Variants in TM4SF20 observed in about 807,000 individuals in gnomAD.
TM4SF20 encodes the protein transmembrane 4 L six family member 20.
In TM4SF20, 13 loss-of-function variants were observed where a neutral mutation model predicts 15.1. The ratio of observed to expected loss-of-function variants is 0.86; its 90% CI spans 0.56 to 1.36. The LOEUF is 1.36. Ranked by LOEUF, TM4SF20 falls within the 40% of genes most tolerant of loss-of-function variation. The probability of loss-of-function intolerance (pLI) is 0.00; values close to 1 mark genes in which losing one functional copy is unlikely to be tolerated. For synonymous variants in TM4SF20, 92 were observed against 96.6 expected (o/e 0.95, Z 0.28); for missense variants, 282 against 268.4 (o/e 1.05, Z -0.35).
chr2:227,379,712 C>T (rs58665954), upstream of TM4SF20, among the ~76,000 whole-genome samples: 700 of 152,244 alleles, frequency 4.6e-3, 8 homozygotes, highest in African/African-American at 0.016. Context: ...ATTTCCTCTG[C>T]TGCAAATATT....
At position 227,379,257 on chromosome 2, in the gene TM4SF20, G is replaced by A. The variant is rs376052845; in HGVS notation, c.12C>T (p.Cys4=). 6.9e-5 allele frequency: 112 copies of A among 1,613,850 alleles called. No individual in the cohort carries two copies. Among genetic ancestry groups the A allele is most frequent in the South Asian group, 1.6e-4 (15 of 91,052 alleles). Residue 4 remains cysteine (C), a synonymous_variant, in exon 1 of 4, where the codon TGC becomes TGT. Transcript: ENST00000304568. ...ATCCATTGCAGGATGTCCATCCTTC[G>A]CAGCAGGTCATGGTCACCCCTGGCT... is the stretch of plus-strand genomic sequence containing the variant. The part of the protein sequence containing the change: MTC[C]EGWTSCNGFS...
intron 3 of TM4SF20, among the ~76,000 whole-genome samples, chr2:227,364,444 G>C (rs114471338): frequency 0.04 from 5,836 of 147,688 alleles, 311 homozygotes; most frequent in African/African-American, 0.12. Flanking sequence ...CGTGGCGTCC[G>C]TTCTTCAACC....
Position 227,379,305 on chromosome 2 carries a change from A to G in TM4SF20, c.-37T>C, listed in dbSNP as rs2076468638. 1.3e-6 allele frequency: 2 copies of G among 1,589,068 alleles called. No homozygotes were observed. Among genetic ancestry groups the G allele is most frequent in the Non-Finnish European group, 1.7e-6 (2 of 1,160,378 alleles). On this transcript the variant is annotated 5_prime_UTR_variant, in exon 1 of 4. Transcript: ENST00000304568. ...GCTCAGAAACGTTGTCAAAGTGGCT[A>G]TGCTTGCATGGTACTATGTTGCCTT...
At chr2:227,364,044 A>C in intron 3 of TM4SF20, 32 bp from the exon 4 acceptor site, 2 of 1,586,346 alleles carry the variant, frequency 1.3e-6, no homozygotes, top group Non-Finnish European at 1.7e-6. Flanking sequence ...TCAGATATTC[A>C]GAAATATCCC....
Position 227,367,079 on chromosome 2 carries a change from G to A in TM4SF20, c.250-835C>T, listed in dbSNP as rs181512547. Among the ~76,000 whole-genome samples the A allele has an allele frequency of 1.5e-3, 224 of 152,190 alleles. 2 individuals are homozygous for A. The highest frequency in any genetic ancestry group is 2.8e-3 in the Non-Finnish European group (192 of 68,014). On this transcript the variant is annotated intron_variant, in intron 2 of 3. Coordinates refer to ENST00000304568, the MANE Select transcript of TM4SF20 (RefSeq NM_024795.4). ...AATGACATTTGCACACTTCGCTGTG[G>A]GGCCTTTCCTGTGCAGTGTAGGATA...
intron 1 of TM4SF20, among the ~76,000 whole-genome samples, chr2:227,375,400 A>G (rs1486719240): frequency 6.6e-6 from 1 of 152,162 alleles, no homozygotes; most frequent in Admixed American, 6.5e-5. Flanking sequence ...CTCAAAAACA[A>G]TGACCAAAAA....
chr2:227,373,442 T>G (rs1385001077), intron 1 of TM4SF20, among the ~76,000 whole-genome samples: 3 of 152,248 alleles, frequency 2.0e-5, no homozygotes, highest in Admixed American at 2.0e-4. Context: ...TCAGTATTCG[T>G]GCACTAAACA....
chr2:227,369,925 C>T (rs2076412400), intron 2 of TM4SF20, among the ~76,000 whole-genome samples: 1 of 152,204 alleles, frequency 6.6e-6, no homozygotes, highest in African/African-American at 2.4e-5. Flanking sequence ...TAGTGTGCTA[C>T]ACTGGCAAAT....
intron 2 of TM4SF20, among the ~76,000 whole-genome samples, chr2:227,369,232 AAG>A (rs1327873817): frequency 6.6e-6 from 1 of 152,178 alleles, no homozygotes; most frequent in Non-Finnish European, 1.5e-5. Flanking sequence ...ATGTCAGAAA[AAG>A]GGTAATTTTT....
Position 227,379,090 on chromosome 2 carries a change from A to T in TM4SF20, c.179T>A (p.Leu60Gln). Residue 60 changes from leucine to glutamine, a missense_variant, in exon 1 of 4, where the codon CTG (leucine) becomes CAG (glutamine). Physicochemically the swap from Leu to Gln is moderately radical, Grantham distance 113. Transcript: ENST00000304568. ...WWFPGIIGAG[L>Q]MAIPATTMSL... ...AGTCAAATAAATATCACTCACCATC[A>T]GACCTGCTCCTATAATTCCTGGGAA... The T allele has an allele frequency of 6.2e-7, 1 of 1,614,014 alleles. No individual in the cohort carries two copies. Among genetic ancestry groups the T allele is most frequent in the Non-Finnish European group, 8.5e-7 (1 of 1,179,974 alleles).
Position 227,362,891 on chromosome 2 carries a change from T to G in TM4SF20, c.*833A>C, listed in dbSNP as rs539339676. The G allele has an allele frequency of 2.6e-5, 4 of 152,338 alleles. No homozygotes were observed. The East Asian group carries it at 7.7e-4, about 29-fold the overall frequency. The allele number at this position is 152,338 out of a possible 1,614,324, so 9.4% of individuals were successfully genotyped here. A position where few individuals can be genotyped will look rare whatever the true frequency, so the allele number is the denominator to read the frequency against. On this transcript the variant is annotated 3_prime_UTR_variant, in exon 4 of 4. Coordinates refer to ENST00000304568, the MANE Select transcript of TM4SF20 (RefSeq NM_024795.4). ...TCTACATACTCCTCCCAATTATCTC[T>G]GACAAAGTTTACATGTGTTTAGCTG... is the stretch of plus-strand genomic sequence containing the variant.
intron 1 of TM4SF20, among the ~76,000 whole-genome samples, chr2:227,378,367 G>A (rs927925266): frequency 2.0e-5 from 3 of 152,122 alleles, no homozygotes; most frequent in African/African-American, 7.2e-5. Flanking sequence ...GAATTCTCAG[G>A]AGAAAATCCG....
intron 1 of TM4SF20, among the ~76,000 whole-genome samples, chr2:227,372,175 G>A (rs576803289): frequency 1.3e-5 from 2 of 152,226 alleles, no homozygotes; most frequent in South Asian, 2.1e-4. Flanking sequence ...GAGCTCTGGC[G>A]AATGCCAGAC....
Position 227,363,671 on chromosome 2 carries a change from G to T in TM4SF20, c.*53C>A. On this transcript the variant is annotated 3_prime_UTR_variant, in exon 4 of 4. Coordinates refer to ENST00000304568, the MANE Select transcript of TM4SF20 (RefSeq NM_024795.4). ...CTCAAAGATGACTTTGAAAACAAGT[G>T]TACTTCTCAAATTAATTCAAACTAC... is the stretch of plus-strand genomic sequence containing the variant. 1 of 1,523,878 alleles carries T rather than the reference G, an allele frequency of 6.6e-7. No homozygotes were observed. The highest frequency in any genetic ancestry group is 1.3e-5 in the South Asian group (1 of 78,678). The allele number at this position is 1,523,878 out of a possible 1,614,324, so 94.4% of individuals were successfully genotyped here. A position where few individuals can be genotyped will look rare whatever the true frequency, so the allele number is the denominator to read the frequency against.
intron 3 of TM4SF20, among the ~76,000 whole-genome samples, chr2:227,364,468 T>G (rs1456814090): frequency 6.6e-6 from 1 of 151,454 alleles, no homozygotes; most frequent in South Asian, 2.1e-4. Context: ...TGTACAGTTT[T>G]TACTGATTAA....
chr2:227,366,083 A>C lies in TM4SF20; in HGVS notation c.401+10T>G. 1 of 1,609,960 alleles carries C rather than the reference A, an allele frequency of 6.2e-7. No individual in the cohort carries two copies. Among genetic ancestry groups the C allele is most frequent in the South Asian group, 1.1e-5 (1 of 90,322 alleles). ...TGAGACAGTAAGCCTGTGAAAATCA[A>C]GTTACTTACCTGATGTTTTTCAATG... On this transcript the variant is annotated intron_variant, in intron 3 of 3. Transcript: ENST00000304568.
chr2:227,374,897 C>T (rs1216749136), intron 1 of TM4SF20, among the ~76,000 whole-genome samples: 2 of 149,118 alleles, frequency 1.3e-5, no homozygotes, highest in East Asian at 4.0e-4. Context: ...TTGACCCCAA[C>T]CTGGGCAATA....
chr2:227,372,894 T>C (rs34326391), intron 1 of TM4SF20, among the ~76,000 whole-genome samples: 17,224 of 151,922 alleles, frequency 0.11, 1,085 homozygotes, highest in African/African-American at 0.17. Flanking sequence ...CTGGGGGGCA[T>C]TTTTTTGTAG....
intron 1 of TM4SF20, among the ~76,000 whole-genome samples, chr2:227,372,696 T>C (rs2076427084): frequency 6.6e-6 from 1 of 151,958 alleles, no homozygotes; most frequent in Non-Finnish European, 1.5e-5. Context: ...AGAGCCCACA[T>C]AGTTTTTTGT....
Sources: gnomAD v4.1 joint callset for allele counts (sites outside exome capture counted in the v4.1 genomes callset) on GRCh38, gnomAD v4.1.1 for gene constraint, MANE v1.5 for transcripts, NCBI Gene and HGNC (gene_info 2026-07-23, HGNC 2026-07-21) for gene names.